Variants in MACROD2 observed in about 807,000 individuals in gnomAD.
MACROD2 encodes ADP-ribose glycohydrolase MACROD2.
Under a neutral mutation model 70.4 loss-of-function variants are expected in MACROD2, and 36 were observed. The observed-to-expected ratio is 0.51, with a 90% CI of 0.39 to 0.68. The LOEUF is 0.68. Among genes scored for constraint, MACROD2 ranks in the 30% least tolerant of loss-of-function variants. The pLI is 0.00. For missense variants in MACROD2, 496 were observed against 538.4 expected, an observed-to-expected ratio of 0.92 and a Z score of 0.78; for synonymous variants, 172 against 178.8, an observed-to-expected ratio of 0.96 and a Z score of 0.30.
At chr20:14,892,265 A>C (rs540290432) in intron 5 of MACROD2, among the ~76,000 whole-genome samples, 1 of 152,152 alleles carries the variant, frequency 6.6e-6, no homozygotes, top group Non-Finnish European at 1.5e-5. Context: ...TGAGGTCAGG[A>C]GTTCGAGACC....
At chr20:14,346,235 A>C (rs1449258861) in intron 3 of MACROD2, among the ~76,000 whole-genome samples, 1 of 152,144 alleles carries the variant, frequency 6.6e-6, no homozygotes, top group Non-Finnish European at 1.5e-5. Flanking sequence ...TATATTTGGG[A>C]AGAAAGATAA....
intron 12 of MACROD2, among the ~76,000 whole-genome samples, chr20:15,953,471 C>T (rs1240640617): frequency 6.6e-6 from 1 of 151,940 alleles, no homozygotes; most frequent in Non-Finnish European, 1.5e-5. Context: ...TCACCATGTA[C>T]CCTATGAATA....
intron 6 of MACROD2, among the ~76,000 whole-genome samples, chr20:15,407,040 G>T (rs188315745): frequency 6.6e-6 from 1 of 152,280 alleles, no homozygotes; most frequent in East Asian, 1.9e-4. Context: ...CCAAGAATTG[G>T]AGCCAAGTGA....
intron 6 of MACROD2, among the ~76,000 whole-genome samples, chr20:15,311,558 A>G (rs2077752607): frequency 6.6e-6 from 1 of 152,236 alleles, no homozygotes; most frequent in South Asian, 2.1e-4. Context: ...GGTGGATTGG[A>G]TAAAGAAAAC....
chr20:15,897,348 G>T (rs537797642), intron 10 of MACROD2, among the ~76,000 whole-genome samples: 1 of 152,068 alleles, frequency 6.6e-6, no homozygotes, highest in African/African-American at 2.4e-5. Flanking sequence ...TACCTTTTGT[G>T]TTCCATAGTA....
intron 7 of MACROD2, among the ~76,000 whole-genome samples, chr20:15,480,893 TC>T (rs2047088191): frequency 6.6e-6 from 1 of 152,136 alleles, no homozygotes; most frequent in African/African-American, 2.4e-5. Context: ...GTTACATTAT[TC>T]CCCCACACTT....
chr20:14,321,059 T>G (rs2082655530), intron 3 of MACROD2, among the ~76,000 whole-genome samples: 1 of 152,060 alleles, frequency 6.6e-6, no homozygotes, highest in African/African-American at 2.4e-5. Flanking sequence ...AGGCAAGCCA[T>G]CTGCTACTTA....
At chr20:15,170,746 AG>A (rs1268588934) in intron 5 of MACROD2, among the ~76,000 whole-genome samples, 3 of 152,232 alleles carry the variant, frequency 2.0e-5, no homozygotes, top group Admixed American at 6.5e-5. Flanking sequence ...CAAGCCCCAA[AG>A]AACAGTGTTT....
At chr20:15,407,492 G>A (rs1458027600) in intron 6 of MACROD2, among the ~76,000 whole-genome samples, 1 of 152,260 alleles carries the variant, frequency 6.6e-6, no homozygotes, top group Non-Finnish European at 1.5e-5. Context: ...TGGTTTTGGG[G>A]ATCCCAACTT....
chr20:14,649,927 A>G (rs1051700410), intron 4 of MACROD2, among the ~76,000 whole-genome samples: 2 of 152,138 alleles, frequency 1.3e-5, no homozygotes, highest in Non-Finnish European at 2.9e-5. Context: ...ATCCAGGTGG[A>G]GTATGCATAG....
intron 4 of MACROD2, among the ~76,000 whole-genome samples, chr20:14,630,539 C>T (rs1984451796): frequency 6.6e-6 from 1 of 152,144 alleles, no homozygotes; most frequent in Non-Finnish European, 1.5e-5. Flanking sequence ...GCTTTCCAAA[C>T]AACGTAAATT....
chr20:14,365,709 G>T (rs191577645), intron 3 of MACROD2, among the ~76,000 whole-genome samples: 343 of 152,014 alleles, frequency 2.3e-3, no homozygotes, highest in African/African-American at 7.7e-3. Context: ...TTAGGTTATT[G>T]ATTTCAGATC....
At chr20:15,497,350 T>C (rs1368521246) in intron 7 of MACROD2, among the ~76,000 whole-genome samples, 1 of 152,104 alleles carries the variant, frequency 6.6e-6, no homozygotes, top group Admixed American at 6.5e-5. Context: ...TGGAGTGCAG[T>C]GGCATAATCT....
chr20:15,422,418 A>G (rs1168252535), intron 6 of MACROD2, among the ~76,000 whole-genome samples: 2 of 152,064 alleles, frequency 1.3e-5, no homozygotes, highest in African/African-American at 4.8e-5. Context: ...TGTGTAATTA[A>G]AAAATAGAAT....
chr20:15,132,627 TA>T (rs549030836), intron 5 of MACROD2, among the ~76,000 whole-genome samples: 1 of 151,586 alleles, frequency 6.6e-6, no homozygotes. Flanking sequence ...TCCAATCACT[TA>T]AAAAAAACTT....
chr20:14,577,330 T>C lies in MACROD2; in HGVS notation c.301+83822T>C, dbSNP rs1983963652. On this transcript the variant is annotated intron_variant, in intron 4 of 17. Transcript: ENST00000684519. ...AAAAACCCTGTTTAATATCTAAACA[T>C]ACGTATCAATAAATAATTTTACATT... Among the ~76,000 whole-genome samples, 2 of 152,354 alleles carry C rather than the reference T, an allele frequency of 1.3e-5. 1 individual carries two copies. The highest frequency in any genetic ancestry group is 4.1e-4 in the South Asian group (2 of 4,832).
intron 4 of MACROD2, among the ~76,000 whole-genome samples, chr20:14,545,903 A>G (rs896678814): frequency 1.3e-5 from 2 of 152,196 alleles, no homozygotes; most frequent in African/African-American, 4.8e-5. Flanking sequence ...ATGTGCACAT[A>G]TATTATTTTA....
At chr20:15,906,135 G>A (rs112254767) in intron 10 of MACROD2, among the ~76,000 whole-genome samples, 18 of 152,196 alleles carry the variant, frequency 1.2e-4, no homozygotes, top group East Asian at 3.8e-4. Flanking sequence ...AATGTGGAGC[G>A]AAAGTGGAAT....
chr20:15,480,351 C>G (rs1300684113), intron 7 of MACROD2, among the ~76,000 whole-genome samples: 1 of 152,200 alleles, frequency 6.6e-6, no homozygotes, highest in African/African-American at 2.4e-5. Flanking sequence ...ACCATAGTCA[C>G]TTTTAACCAA....
Sources: allele counts gnomAD v4.1 joint callset (sites outside exome capture counted in the v4.1 genomes callset), GRCh38; gene constraint gnomAD v4.1.1; transcripts MANE v1.5; gene names NCBI Gene and HGNC (gene_info 2026-07-23, HGNC 2026-07-21).